Variants in GORASP2 observed in about 807,000 individuals in gnomAD.
GORASP2 encodes the protein Golgi reassembly-stacking protein 2.
In GORASP2, 22 loss-of-function variants were observed where a neutral mutation model predicts 45.7. The observed-to-expected ratio is 0.48, with a 90% CI of 0.34 to 0.69. The LOEUF is 0.69. GORASP2 is among the 30% of genes least tolerant of loss of function. GORASP2 has a pLI of 0.01. For synonymous variants in GORASP2, 221 were observed against 215.6 expected, an observed-to-expected ratio of 1.02 and a Z score of -0.22; for missense variants, 491 against 562.7, an observed-to-expected ratio of 0.87 and a Z score of 1.29.
At chr2:170,952,915 A>G (rs553829905) in intron 5 of GORASP2, among the ~76,000 whole-genome samples, 212 of 152,312 alleles carry the variant, frequency 1.4e-3, no homozygotes, top group African/African-American at 3.6e-3. Context: ...GCTTCAAGCA[A>G]TCTTCCCACC....
At chr2:170,938,783 G>A (rs931446784) in intron 1 of GORASP2, among the ~76,000 whole-genome samples, 2 of 152,180 alleles carry the variant, frequency 1.3e-5, no homozygotes, top group Non-Finnish European at 2.9e-5. Flanking sequence ...CTGAGGTCAG[G>A]AGTTTGAGAC....
chr2:170,967,011 C>T lies in GORASP2; in HGVS notation c.*881C>T, dbSNP rs1451180499. The T allele has an allele frequency of 1.3e-5, 2 of 152,190 alleles. No homozygotes were observed. Among genetic ancestry groups the T allele is most frequent in the Admixed American group, 6.5e-5 (1 of 15,276 alleles). 9.4% of individuals were successfully genotyped at this position (152,190 alleles called of 1,614,324 possible). A position where few individuals can be genotyped will look rare whatever the true frequency, so the allele number is the denominator to read the frequency against. On this transcript the variant is annotated 3_prime_UTR_variant, in exon 10 of 10. Coordinates refer to ENST00000234160, the MANE Select transcript of GORASP2 (RefSeq NM_015530.5). ...TGTCTTATTACTCTCCAGTATGTCACGCATCTTTAACTTTTCACGTCCTAT... is the reference window on the plus strand; with the variant it reads ...TGTCTTATTACTCTCCAGTATGTCATGCATCTTTAACTTTTCACGTCCTAT...
intron 1 of GORASP2, among the ~76,000 whole-genome samples, chr2:170,936,303 T>G (rs1399784147): frequency 6.8e-6 from 1 of 146,258 alleles, no homozygotes; most frequent in East Asian, 2.1e-4. Flanking sequence ...CATGGCCCAC[T>G]GCAGCCTTGA....
intron 7 of GORASP2, among the ~76,000 whole-genome samples, chr2:170,957,861 G>C (rs911600485): frequency 1.3e-5 from 2 of 152,180 alleles, no homozygotes; most frequent in Non-Finnish European, 2.9e-5. Context: ...GGGTCTCTCT[G>C]TTGCCCAGGC....
intron 1 of GORASP2, among the ~76,000 whole-genome samples, chr2:170,940,342 A>G (rs999440225): frequency 6.6e-6 from 1 of 152,208 alleles, no homozygotes; most frequent in Non-Finnish European, 1.5e-5. Context: ...AGACCAGTGC[A>G]GTTGGGAGAA....
At chr2:170,935,997 TGTACA>T (rs1703942848) in intron 1 of GORASP2, among the ~76,000 whole-genome samples, 2 of 152,148 alleles carry the variant, frequency 1.3e-5, no homozygotes. Flanking sequence ...AGTAGTAGAG[TGTACA>T]ACACTGATTC....
intron 5 of GORASP2, chr2:170,953,881 G>A (rs1236064803): frequency 1.3e-5 from 2 of 152,252 alleles, no homozygotes; most frequent in African/African-American, 4.8e-5. Context: ...CCATGGGCAA[G>A]AGAAATTGGC....
intron 7 of GORASP2, among the ~76,000 whole-genome samples, chr2:170,959,492 T>C (rs1351334614): frequency 1.3e-5 from 2 of 152,196 alleles, no homozygotes; most frequent in African/African-American, 2.4e-5. Context: ...GAAATTGACA[T>C]CATCACTTTT....
chr2:170,954,593 C>T (rs977071651), intron 5 of GORASP2, 57 bp from the exon 6 acceptor site: 4 of 1,513,644 alleles, frequency 2.6e-6, no homozygotes, highest in South Asian at 1.2e-5. Flanking sequence ...AAAAAAACAC[C>T]TCAAAGAAAT....
chr2:170,963,008 C>A, intron 9 of GORASP2, 62 bp downstream of exon 9: 1 of 1,054,958 alleles, frequency 9.5e-7, no homozygotes, highest in Non-Finnish European at 1.5e-6. Flanking sequence ...CAGGAATGCC[C>A]ATCCTCTTCA....
chr2:170,950,873 C>G (rs1056720291), intron 4 of GORASP2, among the ~76,000 whole-genome samples: 5 of 151,904 alleles, frequency 3.3e-5, no homozygotes, highest in Non-Finnish European at 5.9e-5. Context: ...TCCCAGCTAC[C>G]TGGGAGGCTG....
intron 1 of GORASP2, among the ~76,000 whole-genome samples, chr2:170,934,769 G>A (rs1575467611): frequency 6.6e-6 from 1 of 151,692 alleles, no homozygotes; most frequent in Non-Finnish European, 1.5e-5. Context: ...ATGGAGTCTC[G>A]CTCTGTTGCC....
At chr2:170,958,870 A>G (rs1482575577) in intron 7 of GORASP2, among the ~76,000 whole-genome samples, 3 of 152,034 alleles carry the variant, frequency 2.0e-5, no homozygotes, top group East Asian at 3.9e-4. Flanking sequence ...GGGTTTTGCC[A>G]TGTTGGCCAG....
At chr2:170,935,926 A>G (rs753971293) in intron 1 of GORASP2, among the ~76,000 whole-genome samples, 2 of 152,150 alleles carry the variant, frequency 1.3e-5, no homozygotes, top group African/African-American at 2.4e-5. Flanking sequence ...TGCCTGCGCT[A>G]TCATCCTCAG....
intron 5 of GORASP2, among the ~76,000 whole-genome samples, chr2:170,953,647 T>C (rs1333887603): frequency 6.6e-6 from 1 of 152,236 alleles, no homozygotes; most frequent in East Asian, 1.9e-4. Context: ...TAAGGGGTTT[T>C]GGGTTCAAAT....
chr2:170,946,703 G>A lies in GORASP2; in HGVS notation c.64-1647G>A, dbSNP rs544880093. Among the ~76,000 whole-genome samples the A allele has an allele frequency of 9.4e-4, 142 of 150,886 alleles. 3 individuals carry two copies. Among genetic ancestry groups the A allele is most frequent in the Admixed American group, 1.5e-3 (22 of 15,164 alleles). ...TCCCAACACATTGGGAGGCCGAGGC[G>A]GGCAGATCACTTGAGGCCAGGAGTT... On this transcript the variant is annotated intron_variant, in intron 1 of 9. Transcript: ENST00000234160.
rs562178100 is a variant in GORASP2 at position 170,966,172 on chromosome 2, C to T, written c.*42C>T. On this transcript the variant is annotated 3_prime_UTR_variant, in exon 10 of 10. Coordinates refer to ENST00000234160, the MANE Select transcript of GORASP2 (RefSeq NM_015530.5). ...GGAATTGGCGTGGTATATTTAACCA[C>T]GGGAGCGTGTCTGGAAACGCAAACT... 164 of 1,391,024 alleles carry T rather than the reference C, an allele frequency of 1.2e-4. No individual in the cohort carries two copies. The South Asian group carries it at 1.6e-3, about 13-fold the overall frequency. The allele number at this position is 1,391,024 out of a possible 1,614,324, so 86.2% of individuals were successfully genotyped here. A position where few individuals can be genotyped will look rare whatever the true frequency, so the allele number is the denominator to read the frequency against.
chr2:170,961,655 CT>C lies in GORASP2; in HGVS notation c.824-3del. 3 of 1,466,682 alleles carry C rather than the reference CT, an allele frequency of 2.0e-6. No individual in the cohort carries two copies. Among genetic ancestry groups the C allele is most frequent in the Middle Eastern group, 1.7e-4 (1 of 5,800 alleles). 90.9% of individuals were successfully genotyped at this position (1,466,682 alleles called of 1,614,324 possible). A position where few individuals can be genotyped will look rare whatever the true frequency, so the allele number is the denominator to read the frequency against. On this transcript the variant is annotated splice_polypyrimidine_tract_variant and splice_region_variant and intron_variant, in intron 7 of 9. Coordinates refer to ENST00000234160, the MANE Select transcript of GORASP2 (RefSeq NM_015530.5). ...GTTAGAAATGAAAAGATTGTGCTTT[CT>C]TTTTAGGTGTACCAACAGTACCGTT...
intron 5 of GORASP2, 70 bp from the exon 6 acceptor site, chr2:170,954,580 C>CA (rs1704378723): frequency 3.6e-6 from 5 of 1,373,856 alleles, no homozygotes; most frequent in Non-Finnish European, 5.0e-6. Flanking sequence ...CCCGCCCCCC[C>CA]CAAAAAAAAC....
Sources: allele counts gnomAD v4.1 joint callset (sites outside exome capture counted in the v4.1 genomes callset), GRCh38; gene constraint gnomAD v4.1.1; transcripts MANE v1.5; gene names NCBI Gene and HGNC (gene_info 2026-07-23, HGNC 2026-07-21).